The following NELL1 variants were observed in gnomAD, a reference collection of about 807,000 sequenced individuals.
NELL1 encodes protein kinase C-binding protein NELL1.
NELL1 carries 76 observed loss-of-function variants against 107.4 expected under a neutral mutation model. The ratio of observed to expected loss-of-function variants is 0.71; its 90% confidence interval spans 0.59 to 0.86. NELL1 has a LOEUF of 0.86. Ranked by LOEUF, NELL1 falls within the 40% of genes least tolerant of loss-of-function variation. The probability of loss-of-function intolerance (pLI) is 0.00; values close to 1 mark genes in which losing one functional copy is unlikely to be tolerated. For synonymous variants in NELL1, 353 were observed against 341.2 expected (o/e 1.03, Z -0.38); for missense variants, 1,024 against 1,005.5 (o/e 1.02, Z -0.25).
intron 12 of NELL1, among the ~76,000 whole-genome samples, chr11:21,073,700 A>T (rs1207333005): frequency 1.3e-5 from 2 of 152,192 alleles, no homozygotes; most frequent in African/African-American, 2.4e-5. Context: ...AGGAAGTAGC[A>T]TTTGCAATGA....
chr11:20,918,684 A>G lies in NELL1; in HGVS notation c.676+430A>G, dbSNP rs1850312033. ...GTGAGACTTATTCACTACCATAAGA[A>G]TAGTATGGGAGTAACTGCCTTCATG... On this transcript the variant is annotated intron_variant, in intron 6 of 19. Transcript: ENST00000357134. Among the ~76,000 whole-genome samples, 6 of 152,124 alleles carry G rather than the reference A, an allele frequency of 3.9e-5. No individual in the cohort carries two copies. The South Asian group carries it at 1.2e-3, about 32-fold the overall frequency.
chr11:20,980,230 T>G (rs1287946237), intron 12 of NELL1, among the ~76,000 whole-genome samples: 2 of 152,224 alleles, frequency 1.3e-5, no homozygotes, highest in Non-Finnish European at 2.9e-5. Context: ...TGAATCCCTC[T>G]TACACAGCAG....
At chr11:21,333,115 A>G (rs1850308931) in intron 14 of NELL1, among the ~76,000 whole-genome samples, 1 of 152,076 alleles carries the variant, frequency 6.6e-6, no homozygotes, top group Non-Finnish European at 1.5e-5. Context: ...AGATTAAGAC[A>G]GATAATACTG....
rs1284805936 is a variant in NELL1 at position 21,128,516 on chromosome 11, T to C, written c.1426+14802T>C. ...CATTTGATTCTGAATTTTGAGGAAGTGTTGAAGAAATGTGCCTGGAGAAAT... is the reference window on the plus strand; with the variant it reads ...CATTTGATTCTGAATTTTGAGGAAGCGTTGAAGAAATGTGCCTGGAGAAAT... On this transcript the variant is annotated intron_variant, in intron 13 of 19. Transcript: ENST00000357134. Among the ~76,000 whole-genome samples, 3 of 152,136 alleles carry C rather than the reference T, an allele frequency of 2.0e-5. No individual in the cohort carries two copies. The East Asian group carries it at 5.8e-4, about 29-fold the overall frequency.
rs1321198880 is a variant in NELL1, at chr11:21,352,922, G to A, written c.1550-17931G>A. On this transcript the variant is annotated intron_variant, in intron 14 of 19. Transcript: ENST00000357134. ...TGTCCCTCTTACCTGGGTACTCTGT[G>A]CCTGTCCTTTCTTTGTTTTGATCAT... Among the ~76,000 whole-genome samples, 3 of 152,216 alleles carry A rather than the reference G, an allele frequency of 2.0e-5. No individual in the cohort carries two copies. In the East Asian group the frequency reaches 5.8e-4, roughly 29 times the overall value.
At chr11:20,702,646 T>G (rs1446269055) in intron 2 of NELL1, among the ~76,000 whole-genome samples, 1 of 152,152 alleles carries the variant, frequency 6.6e-6, no homozygotes, top group Admixed American at 6.6e-5. Flanking sequence ...GGTTGTGGGT[T>G]TGTCATAAAA....
chr11:21,439,654 G>T (rs1853228329), intron 15 of NELL1, among the ~76,000 whole-genome samples: 1 of 152,096 alleles, frequency 6.6e-6, no homozygotes, highest in Non-Finnish European at 1.5e-5. Flanking sequence ...GTGCCTTCCT[G>T]TATTAGTAAG....
chr11:20,844,066 G>A (rs57874089), intron 3 of NELL1, among the ~76,000 whole-genome samples: 72 of 152,288 alleles, frequency 4.7e-4, no homozygotes, highest in African/African-American at 1.6e-3. Flanking sequence ...CAGTGTAGGC[G>A]TAGTTGTGCA....
chr11:21,565,162 G>A (rs1026406700), intron 17 of NELL1, among the ~76,000 whole-genome samples: 7 of 151,914 alleles, frequency 4.6e-5, no homozygotes, highest in African/African-American at 1.7e-4. Context: ...CCTGTCTGTG[G>A]TGGTTTTGAT....
intron 10 of NELL1, among the ~76,000 whole-genome samples, chr11:20,938,468 G>A (rs554356228): frequency 4.3e-4 from 65 of 152,250 alleles, no homozygotes; most frequent in South Asian, 2.7e-3. Flanking sequence ...TTAAACAAAC[G>A]TATAATATAA....
Position 20,776,472 on chromosome 11 carries a change from A to C in NELL1, c.185-7208A>C, listed in dbSNP as rs186940986. ...CAAAAAAATAAATAAAAATAAAATA[A>C]AATTTTATATATATATATCACTTAA... is the stretch of plus-strand genomic sequence containing the variant. On this transcript the variant is annotated intron_variant, in intron 2 of 19. Transcript: ENST00000357134. Among the ~76,000 whole-genome samples the C allele has an allele frequency of 2.6e-5, 4 of 151,816 alleles. No individual in the cohort carries two copies. In the East Asian group the frequency reaches 7.7e-4, roughly 29 times the overall value.
intron 12 of NELL1, among the ~76,000 whole-genome samples, chr11:20,984,604 A>G (rs1390441680): frequency 6.6e-6 from 1 of 151,672 alleles, no homozygotes; most frequent in Non-Finnish European, 1.5e-5. Flanking sequence ...CTTTCTTTAC[A>G]TTTTTCCTAG....
At position 21,458,008 on chromosome 11, in the gene NELL1, T is replaced by C. The variant is rs1420595948; in HGVS notation, c.1646-76366T>C. Among the ~76,000 whole-genome samples the C allele has an allele frequency of 4.1e-5, 4 of 97,788 alleles. No homozygotes were observed. In the Admixed American group the frequency reaches 4.4e-4, roughly 11 times the overall value. The allele number at this position is 97,788 out of a possible 152,430, so 64.2% of individuals were successfully genotyped here. A position where few individuals can be genotyped will look rare whatever the true frequency, so the allele number is the denominator to read the frequency against. The stretch of plus-strand genomic sequence containing the variant: ...GGTAAAAGACTAATTGAGATGACAA[T>C]AGGAAGATCAGGTGATGGAGACCAA... On this transcript the variant is annotated intron_variant, in intron 15 of 19. Coordinates refer to ENST00000357134, the MANE Select transcript of NELL1 (RefSeq NM_006157.5).
intron 2 of NELL1, among the ~76,000 whole-genome samples, chr11:20,678,341 A>G (rs1382466255): frequency 6.6e-6 from 1 of 152,152 alleles, no homozygotes; most frequent in African/African-American, 2.4e-5. Context: ...GCCATTGACC[A>G]TCTATATTAT....
At chr11:21,092,020 G>A (rs571168764) in intron 12 of NELL1, among the ~76,000 whole-genome samples, 6 of 152,312 alleles carry the variant, frequency 3.9e-5, no homozygotes, top group African/African-American at 1.4e-4. Context: ...CAAGGAACAG[G>A]TGAGTAGAGC....
chr11:21,449,288 C>A (rs1853520990), intron 15 of NELL1, among the ~76,000 whole-genome samples: 2 of 152,018 alleles, frequency 1.3e-5, no homozygotes, highest in African/African-American at 4.8e-5. Context: ...TTGTTTGTGG[C>A]TGAAATCTAC....
At chr11:21,324,327 G>A (rs1850080124) in intron 14 of NELL1, among the ~76,000 whole-genome samples, 1 of 151,926 alleles carries the variant, frequency 6.6e-6, no homozygotes, top group Non-Finnish European at 1.5e-5. Context: ...ATCTCTTTGG[G>A]CCTTTCATGG....
intron 14 of NELL1, among the ~76,000 whole-genome samples, chr11:21,340,022 T>G (rs555464637): frequency 6.6e-6 from 1 of 152,356 alleles, no homozygotes; most frequent in East Asian, 1.9e-4. Flanking sequence ...TGTTCAGAGA[T>G]GCAGAGGCTC....
At chr11:20,750,920 T>C (rs1166791065) in intron 2 of NELL1, among the ~76,000 whole-genome samples, 1 of 152,132 alleles carries the variant, frequency 6.6e-6, no homozygotes, top group Non-Finnish European at 1.5e-5. Context: ...TATAAAATAA[T>C]GGTTGGGGTT....
Sources: gnomAD v4.1 joint callset for allele counts (sites outside exome capture counted in the v4.1 genomes callset) on GRCh38, gnomAD v4.1.1 for gene constraint, MANE v1.5 for transcripts, NCBI Gene and HGNC (gene_info 2026-07-23, HGNC 2026-07-21) for gene names.